The following HOXC4 variants were observed in gnomAD, a reference collection of about 807,000 sequenced individuals.
HOXC4 encodes homeobox C4.
Under a neutral mutation model 25.5 loss-of-function variants are expected in HOXC4, and 15 were observed. That is an observed-to-expected ratio of 0.59 (90% CI 0.39 to 0.91). The LOEUF (loss-of-function observed/expected upper bound fraction) is 0.91. Ranked by LOEUF, HOXC4 falls within the 40% of genes least tolerant of loss-of-function variation. The probability of loss-of-function intolerance (pLI) is 0.00; values close to 1 mark genes in which losing one functional copy is unlikely to be tolerated. For missense variants in HOXC4, 342 were observed against 352.4 expected, an observed-to-expected ratio of 0.97 and a Z score of 0.24; for synonymous variants, 165 against 148.0, an observed-to-expected ratio of 1.11 and a Z score of -0.83.
Position 54,054,839 on chromosome 12 carries a change from C to G in HOXC4, c.440-11C>G. The G allele has an allele frequency of 6.3e-7, 1 of 1,587,014 alleles. No individual in the cohort carries two copies. On this transcript the variant is annotated splice_polypyrimidine_tract_variant and intron_variant, in intron 1 of 1. Coordinates refer to ENST00000430889, the MANE Select transcript of HOXC4 (RefSeq NM_153633.3). ...TCTGAACCCCACTATTTGCTTTTCC[C>G]CTCCCCCCAGTGAACCCCAATTATA...
chr12:54,029,420 C>CT (rs1391240893), intron 1 of HOXC4, among the ~76,000 whole-genome samples: 2 of 141,608 alleles, frequency 1.4e-5, no homozygotes, highest in African/African-American at 5.2e-5. Context: ...CGCCCCCCCC[C>CT]CCACCACACA....
chr12:54,029,654 G>A, intron 1 of HOXC4: 1 of 1,610,630 alleles, frequency 6.2e-7, no homozygotes, highest in Non-Finnish European at 8.5e-7. Context: ...CGGATCTTTA[G>A]GGGTCGGCTA....
chr12:54,033,273 C>T (rs754175476), intron 1 of HOXC4: 19 of 1,614,092 alleles, frequency 1.2e-5, no homozygotes, highest in Non-Finnish European at 1.5e-5. Flanking sequence ...CACTTTCCCA[C>T]CGCCTGCGCC....
rs146886218 is a variant in HOXC4 at position 54,041,470 on chromosome 12, G to T, written c.-123-11690G>T. ...TGGACCTCTAAGCACCCCCCTGGGG[G>T]CATTAAGAGTACAAGAATGGGAAGG... On this transcript the variant is annotated intron_variant, in intron 1 of 3. Transcript: ENST00000303406. Among the ~76,000 whole-genome samples, 445 of 152,320 alleles carry T rather than the reference G, an allele frequency of 2.9e-3. 3 individuals are homozygous for T. Among genetic ancestry groups the T allele is most frequent in the African/African-American group, 0.01 (419 of 41,568 alleles).
intron 1 of HOXC4, among the ~76,000 whole-genome samples, chr12:54,046,256 A>G (rs959418140): frequency 1.3e-5 from 2 of 152,066 alleles, no homozygotes; most frequent in African/African-American, 4.8e-5. Flanking sequence ...CGTCTCCTGT[A>G]TATCATTTCC....
chr12:54,030,226 G>C, intron 1 of HOXC4: 1 of 347,436 alleles, frequency 2.9e-6, no homozygotes, highest in Non-Finnish European at 5.3e-6. Flanking sequence ...CCCCGTCCAG[G>C]CCTTGGGGGC....
intron 1 of HOXC4, chr12:54,029,899 C>G (rs1046125618): frequency 6.2e-7 from 1 of 1,609,332 alleles, no homozygotes; most frequent in African/African-American, 1.3e-5. Context: ...GGGCCACCGC[C>G]GACAGCCTGG....
intron 1 of HOXC4, chr12:54,028,799 G>A (rs1417034120): frequency 6.2e-7 from 1 of 1,613,960 alleles, no homozygotes; most frequent in Non-Finnish European, 8.5e-7. Flanking sequence ...AACACCTTAG[G>A]ACATAACACA....
chr12:54,032,408 G>A (rs1037695843), intron 1 of HOXC4, among the ~76,000 whole-genome samples: 1 of 152,328 alleles, frequency 6.6e-6, no homozygotes, highest in African/African-American at 2.4e-5. Flanking sequence ...GAGCCTTAGG[G>A]CCTGAGAGGC....
At chr12:54,024,268 G>A (rs563196923) in intron 1 of HOXC4, among the ~76,000 whole-genome samples, 2 of 152,264 alleles carry the variant, frequency 1.3e-5, no homozygotes, top group African/African-American at 4.8e-5. Flanking sequence ...GGGCAGCTGC[G>A]GTCGCGTCCA....
intron 1 of HOXC4, among the ~76,000 whole-genome samples, chr12:54,042,491 C>T (rs899363125): frequency 6.6e-6 from 1 of 152,158 alleles, no homozygotes; most frequent in Admixed American, 6.5e-5. Context: ...TGCCTCGACC[C>T]CTCCTTGTGA....
chr12:54,053,737 C>A (rs558192762), upstream of HOXC4: 41 of 521,346 alleles, frequency 7.9e-5, 1 homozygote, highest in Admixed American at 3.0e-4. Flanking sequence ...ACCACACACA[C>A]AAAAAAATTG....
intron 1 of HOXC4, among the ~76,000 whole-genome samples, chr12:54,043,317 C>T (rs1592244161): frequency 6.6e-6 from 1 of 152,288 alleles, no homozygotes; most frequent in South Asian, 2.1e-4. Flanking sequence ...AGCCTGGTCA[C>T]CTAGGATCCT....
At chr12:54,029,067 C>A in intron 1 of HOXC4, 1 of 803,148 alleles carries the variant, frequency 1.2e-6, no homozygotes, top group Non-Finnish European at 1.9e-6. Context: ...GCCCCCTCTT[C>A]TGCCCCCTCA....
At chr12:54,018,950 G>T (rs1165339934) in intron 1 of HOXC4, among the ~76,000 whole-genome samples, 1 of 152,118 alleles carries the variant, frequency 6.6e-6, no homozygotes, top group Non-Finnish European at 1.5e-5. Flanking sequence ...CCTGTGGGGG[G>T]GCGGGGATGG....
chr12:54,048,760 TA>T (rs1321260962), intron 1 of HOXC4, among the ~76,000 whole-genome samples: 1 of 152,188 alleles, frequency 6.6e-6, no homozygotes, highest in Non-Finnish European at 1.5e-5. Flanking sequence ...CATAAACTCT[TA>T]AAAGTGTTTC....
intron 1 of HOXC4, among the ~76,000 whole-genome samples, chr12:54,029,432 C>T (rs1467043172): frequency 6.9e-6 from 1 of 144,466 alleles, no homozygotes; most frequent in Non-Finnish European, 1.5e-5. Flanking sequence ...CACCACACAC[C>T]TTTCTTTGGG....
rs1185377051 is a variant in HOXC4, at chr12:54,054,059, A to G, written c.137A>G (p.Gln46Arg). 1.2e-6 allele frequency: 2 copies of G among 1,613,882 alleles called. No homozygotes were observed. The highest frequency in any genetic ancestry group is 2.2e-5 in the East Asian group (1 of 44,876). Residue 46 changes from glutamine to arginine, a missense_variant, in exon 1 of 2, where the codon CAG becomes CGG. Physicochemically the swap from Gln to Arg is conservative, Grantham distance 43. Transcript: ENST00000430889. Reference protein sequence around the residue: ...YYGRTRESGFQHHHQELYPPP... With the variant: ...YYGRTRESGFRHHHQELYPPP... ...GGCCGGACCAGGGAATCGGGATTCC[A>G]GCATCACCACCAGGAGCTGTACCCA...
At chr12:54,036,938 A>G (rs963745781) in intron 1 of HOXC4, among the ~76,000 whole-genome samples, 5 of 152,120 alleles carry the variant, frequency 3.3e-5, no homozygotes, top group Admixed American at 6.5e-5. Flanking sequence ...TTTGTCATAG[A>G]TAGGGGCAAT....
Sources: gnomAD v4.1 joint callset for allele counts (sites outside exome capture counted in the v4.1 genomes callset) on GRCh38, gnomAD v4.1.1 for gene constraint, MANE v1.5 for transcripts, NCBI Gene and HGNC (gene_info 2026-07-23, HGNC 2026-07-21) for gene names.